The following TSTD2 variants were observed in gnomAD, a reference collection of about 807,000 sequenced individuals.
TSTD2 encodes the protein thiosulfate sulfurtransferase like domain containing 2, also known as thiosulfate sulfurtransferase/rhodanese-like domain-containing protein 2.
In TSTD2, 37 loss-of-function variants were observed where a neutral mutation model predicts 47.9. The observed-to-expected ratio is 0.77, with a 90% CI of 0.59 to 1.02. The LOEUF (loss-of-function observed/expected upper bound fraction) is 1.02. Among genes scored for constraint, TSTD2 ranks in the 50% least tolerant of loss-of-function variants. TSTD2 has a pLI of 0.00. For synonymous variants in TSTD2, 201 were observed against 215.9 expected, an observed-to-expected ratio of 0.93 and a Z score of 0.61; for missense variants, 586 against 616.0, an observed-to-expected ratio of 0.95 and a Z score of 0.52.
intron 4 of TSTD2, 143 bp from the exon 5 acceptor site, chr9:97,611,842 A>C (rs940400557): frequency 1.3e-6 from 1 of 792,508 alleles, no homozygotes; most frequent in African/African-American, 1.7e-5. Context: ...GTTACTGGAC[A>C]AAGATATCTG....
intron 4 of TSTD2, among the ~76,000 whole-genome samples, chr9:97,616,296 T>TCA (rs1346723616): frequency 6.6e-6 from 1 of 152,150 alleles, no homozygotes; most frequent in Non-Finnish European, 1.5e-5. Context: ...AGGGGCCAAC[T>TCA]CACGCAGGAA....
chr9:97,629,670 A>G (rs897553580), intron 1 of TSTD2, among the ~76,000 whole-genome samples: 2 of 152,230 alleles, frequency 1.3e-5, no homozygotes, highest in African/African-American at 4.8e-5. Flanking sequence ...CAGAAGTAAA[A>G]TAAGTAGAAG....
At position 97,600,106 on chromosome 9, in the gene TSTD2, T is replaced by C. The variant is rs1435802631; in HGVS notation, c.*2363A>G. The C allele has an allele frequency of 1.6e-5, 16 of 1,007,224 alleles. No homozygotes were observed. Among genetic ancestry groups the C allele is most frequent in the Non-Finnish European group, 1.9e-5 (16 of 841,206 alleles). The allele number at this position is 1,007,224 out of a possible 1,614,324, so 62.4% of individuals were successfully genotyped here. A position where few individuals can be genotyped will look rare whatever the true frequency, so the allele number is the denominator to read the frequency against. ...GCTTTTGAAGTATTATAAAACACTTTATTACAAATTTGTCTTAGCTATTAG... is the reference window on the plus strand; with the variant it reads ...GCTTTTGAAGTATTATAAAACACTTCATTACAAATTTGTCTTAGCTATTAG... On this transcript the variant is annotated 3_prime_UTR_variant, in exon 10 of 10. Coordinates refer to ENST00000341170, the MANE Select transcript of TSTD2 (RefSeq NM_139246.5).
intron 2 of TSTD2, 52 bp downstream of exon 2, chr9:97,627,346 T>C (rs1156832193): frequency 1.3e-6 from 2 of 1,514,262 alleles, no homozygotes; most frequent in South Asian, 1.3e-5. Flanking sequence ...CTTCCAAATG[T>C]ATCTGCGTTA....
intron 1 of TSTD2, among the ~76,000 whole-genome samples, chr9:97,631,999 G>C (rs147557850): frequency 4.1e-4 from 62 of 152,312 alleles, no homozygotes; most frequent in African/African-American, 1.4e-3. Flanking sequence ...TCCTGAATGG[G>C]TCGTTAGAAT....
At chr9:97,631,753 A>G (rs1476120809) in intron 1 of TSTD2, among the ~76,000 whole-genome samples, 1 of 152,182 alleles carries the variant, frequency 6.6e-6, no homozygotes, top group Non-Finnish European at 1.5e-5. Flanking sequence ...CTAAGGCACA[A>G]GAATTGCCTG....
At chr9:97,607,022 T>C (rs1201551904) in intron 6 of TSTD2, among the ~76,000 whole-genome samples, 5 of 152,098 alleles carry the variant, frequency 3.3e-5, no homozygotes, top group African/African-American at 1.2e-4. Context: ...AAAAATTAGC[T>C]GGCCATGGTA....
At chr9:97,613,938 C>A (rs1038673147) in intron 4 of TSTD2, among the ~76,000 whole-genome samples, 6 of 151,772 alleles carry the variant, frequency 4.0e-5, no homozygotes, top group Non-Finnish European at 8.8e-5. Context: ...ACACCATTCT[C>A]CTGCCTCGGC....
intron 3 of TSTD2, 37 bp downstream of exon 3, chr9:97,625,644 C>T (rs375587316): frequency 2.7e-5 from 42 of 1,559,418 alleles, no homozygotes; most frequent in Non-Finnish European, 3.4e-5. Context: ...TGGAAAAATA[C>T]TTTAAATCAA....
intron 8 of TSTD2, 39 bp from the exon 9 acceptor site, chr9:97,604,904 C>G (rs191898749): frequency 3.1e-6 from 5 of 1,609,616 alleles, no homozygotes. Flanking sequence ...GAAGAGCCAG[C>G]AGAGACCTGT....
At chr9:97,606,999 T>C (rs1485449498) in intron 6 of TSTD2, among the ~76,000 whole-genome samples, 1 of 151,818 alleles carries the variant, frequency 6.6e-6, no homozygotes, top group Admixed American at 6.6e-5. Context: ...ACTCTGTCTC[T>C]AAAAAAAATT....
Position 97,602,778 on chromosome 9 carries a change from A to G in TSTD2, c.1253-11T>C, listed in dbSNP as rs991337236. 3 of 1,591,832 alleles carry G rather than the reference A, an allele frequency of 1.9e-6. No individual in the cohort carries two copies. The highest frequency in any genetic ancestry group is 3.5e-5 in the Admixed American group (2 of 57,666). On this transcript the variant is annotated splice_polypyrimidine_tract_variant and intron_variant, in intron 9 of 9. Coordinates refer to ENST00000341170, the MANE Select transcript of TSTD2 (RefSeq NM_139246.5). The stretch of plus-strand genomic sequence containing the variant: ...CACAGTATGAACACTCTGGGGAGGA[A>G]GGAAAAGCCATCATTATAAACACAT...
chr9:97,625,785 C>G lies in TSTD2; in HGVS notation c.378G>C (p.Ser126=). 1 of 1,614,132 alleles carries G rather than the reference C, an allele frequency of 6.2e-7. No homozygotes were observed. The part of the protein sequence containing the change: ...AVTLSTSKSL[S]SADEKNPLKE... ...TTAAAGGGTTCTTTTCATCTGCAGA[C>G]GAAAGACTCTTTGAGGTGCTCAATG... is the stretch of plus-strand genomic sequence containing the variant. Residue 126 remains serine (S), a synonymous_variant, in exon 3 of 10, where the codon TCG becomes TCC. Transcript: ENST00000341170.
At chr9:97,613,201 T>C (rs973621388) in intron 4 of TSTD2, among the ~76,000 whole-genome samples, 1 of 152,182 alleles carries the variant, frequency 6.6e-6, no homozygotes, top group Non-Finnish European at 1.5e-5. Context: ...GCTGAGGAGA[T>C]ACTACCAAAA....
At position 97,611,688 on chromosome 9, in the gene TSTD2, A is replaced by G. The variant is rs758806937; in HGVS notation, c.615T>C (p.Ala205=). The G allele has an allele frequency of 3.7e-6, 6 of 1,605,832 alleles. No individual in the cohort carries two copies. In the African/African-American group the frequency reaches 6.7e-5, roughly 18 times the overall value. Residue 205 remains alanine (A), a synonymous_variant, in exon 5 of 10, where the codon GCT becomes GCC. Coordinates refer to ENST00000341170, the MANE Select transcript of TSTD2 (RefSeq NM_139246.5). ...CAACTGTCCCATTGATTCCTTCTGCAGCAATTCGAATCTGAGACACAAGAC... is the reference window on the plus strand; with the variant it reads ...CAACTGTCCCATTGATTCCTTCTGCGGCAATTCGAATCTGAGACACAAGAC... ...HLHLTGKIRI[A]AEGINGTVGG...
intron 4 of TSTD2, among the ~76,000 whole-genome samples, chr9:97,611,972 C>T (rs1826468217): frequency 6.6e-6 from 1 of 152,072 alleles, no homozygotes; most frequent in Non-Finnish European, 1.5e-5. Flanking sequence ...AGGTATTAAG[C>T]TTAGTACCCC....
rs771909010 is a variant in TSTD2 at position 97,604,816 on chromosome 9, A to G, written c.1163T>C (p.Leu388Pro). 6.2e-7 allele frequency: 1 copy of G among 1,614,266 alleles called. No homozygotes were observed. Among genetic ancestry groups the G allele is most frequent in the Admixed American group, 1.7e-5 (1 of 60,034 alleles). Reference sequence around the variant, plus strand: ...GTAAAAGCCATCAGGAAACTCTTCCAGGTACTTGTGGATGCCACCCTTGAG... The same window carrying G: ...GTAAAAGCCATCAGGAAACTCTTCCGGGTACTTGTGGATGCCACCCTTGAG... ...FQLKGGIHKY[L>P]EEFPDGFYKG... The change falls in exon 9 of 10, where the codon CTG (leucine) becomes CCG (proline). Residue 388 changes from leucine (L) to proline (P), a missense_variant. Leu to Pro is a moderately conservative substitution (Grantham distance 98). Coordinates refer to ENST00000341170, the MANE Select transcript of TSTD2 (RefSeq NM_139246.5).
At position 97,627,391 on chromosome 9, in the gene TSTD2, A is replaced by T; in HGVS notation, c.165+7T>A. On this transcript the variant is annotated splice_region_variant and intron_variant, in intron 2 of 9. Transcript: ENST00000341170. ...ACATGATCATGAAACATTCATAAGA[A>T]TTCTACCTTTTTCTTTGCAAACGAG... 6.3e-7 allele frequency: 1 copy of T among 1,589,954 alleles called. No homozygotes were observed. Among genetic ancestry groups the T allele is most frequent in the Non-Finnish European group, 8.6e-7 (1 of 1,165,398 alleles).
At chr9:97,617,199 G>A (rs1432440769) in intron 4 of TSTD2, among the ~76,000 whole-genome samples, 1 of 152,200 alleles carries the variant, frequency 6.6e-6, no homozygotes, top group African/African-American at 2.4e-5. Flanking sequence ...GATCTGAAGT[G>A]GGGTATGCGC....
Sources: gnomAD v4.1 joint callset for allele counts (sites outside exome capture counted in the v4.1 genomes callset) on GRCh38, gnomAD v4.1.1 for gene constraint, MANE v1.5 for transcripts, NCBI Gene and HGNC (gene_info 2026-07-23, HGNC 2026-07-21) for gene names.